Variants in PTK2B observed in about 807,000 individuals in gnomAD.
PTK2B encodes the protein protein tyrosine kinase 2 beta.
Under a neutral mutation model 142.9 loss-of-function variants are expected in PTK2B, and 71 were observed. The ratio of observed to expected loss-of-function variants is 0.50; its 90% CI spans 0.41 to 0.61. The LOEUF is 0.61. Among genes scored for constraint, PTK2B ranks in the 20% least tolerant of loss-of-function variants. The pLI, the probability that PTK2B is intolerant of heterozygous loss-of-function variation, is 0.00. For missense variants in PTK2B, 1,105 were observed against 1,320.4 expected, an observed-to-expected ratio of 0.84 and a Z score of 2.53; for synonymous variants, 519 against 503.4, an observed-to-expected ratio of 1.03 and a Z score of -0.42.
At chr8:27,449,083 C>G (rs78655670) in intron 24 of PTK2B, among the ~76,000 whole-genome samples, 1 of 152,096 alleles carries the variant, frequency 6.6e-6, no homozygotes, top group Non-Finnish European at 1.5e-5. Context: ...TGCTAAGCAT[C>G]GTACAATGCA....
At chr8:27,431,174 C>T in intron 8 of PTK2B, 158 bp downstream of exon 8, 1 of 1,471,566 alleles carries the variant, frequency 6.8e-7, no homozygotes, top group Non-Finnish European at 9.1e-7. Context: ...AAAAGCATCC[C>T]CTTGCCTGAA....
chr8:27,365,032 T>G (rs1423680913), intron 1 of PTK2B, among the ~76,000 whole-genome samples: 1 of 152,196 alleles, frequency 6.6e-6, no homozygotes, highest in Non-Finnish European at 1.5e-5. Flanking sequence ...TTTGCTCATA[T>G]ACATTCTAAG....
At chr8:27,372,419 G>C (rs974764653) in intron 1 of PTK2B, among the ~76,000 whole-genome samples, 35 of 152,186 alleles carry the variant, frequency 2.3e-4, no homozygotes, top group Non-Finnish European at 5.9e-5. Context: ...TGGTGTCCCA[G>C]TTGGAGGGTC....
At chr8:27,371,275 T>G (rs534448426) in intron 1 of PTK2B, among the ~76,000 whole-genome samples, 22 of 152,216 alleles carry the variant, frequency 1.4e-4, no homozygotes, top group African/African-American at 5.1e-4. Flanking sequence ...TGCTGAGCAT[T>G]GAGGGAGCTA....
intron 1 of PTK2B, among the ~76,000 whole-genome samples, chr8:27,343,960 G>T (rs1005125909): frequency 5.3e-5 from 8 of 152,096 alleles, no homozygotes; most frequent in Non-Finnish European, 7.4e-5. Flanking sequence ...CCGAGATCAT[G>T]CCACTGCACT....
chr8:27,367,428 C>G (rs895832862), intron 1 of PTK2B, among the ~76,000 whole-genome samples: 11 of 152,190 alleles, frequency 7.2e-5, no homozygotes, highest in African/African-American at 2.4e-4. Context: ...TGGGCTTGCC[C>G]ACCTGTCCAT....
chr8:27,326,012 C>G (rs1434712246), intron 1 of PTK2B, among the ~76,000 whole-genome samples: 4 of 152,092 alleles, frequency 2.6e-5, no homozygotes, highest in Non-Finnish European at 5.9e-5. Context: ...GCTGCTGCCT[C>G]TAAAGCTCAG....
At chr8:27,404,820 T>C (rs928248539) in intron 2 of PTK2B, among the ~76,000 whole-genome samples, 1 of 152,198 alleles carries the variant, frequency 6.6e-6, no homozygotes, top group African/African-American at 2.4e-5. Flanking sequence ...CAGGGTGTTA[T>C]GGACTGGATA....
intron 9 of PTK2B, 63 bp from the exon 10 acceptor site, chr8:27,432,197 C>A: frequency 6.7e-7 from 1 of 1,499,328 alleles, no homozygotes. Context: ...CCCATACTGA[C>A]CAATCTGCAT....
intron 5 of PTK2B, among the ~76,000 whole-genome samples, chr8:27,424,268 T>C (rs1172216806): frequency 1.3e-5 from 2 of 152,210 alleles, no homozygotes; most frequent in Non-Finnish European, 2.9e-5. Context: ...CTATTTTATT[T>C]TATTATATCC....
chr8:27,431,757 C>A (rs1810439528), intron 9 of PTK2B, among the ~76,000 whole-genome samples: 1 of 152,224 alleles, frequency 6.6e-6, no homozygotes, highest in African/African-American at 2.4e-5. Context: ...GTTGCTCTTT[C>A]AGTGACAATA....
At chr8:27,452,999 T>A in intron 27 of PTK2B, 115 bp from the exon 28 acceptor site, 1 of 1,267,524 alleles carries the variant, frequency 7.9e-7, no homozygotes, top group East Asian at 2.4e-5. Context: ...CAGAGTTAAT[T>A]TCCCTGAAGT....
intron 1 of PTK2B, among the ~76,000 whole-genome samples, chr8:27,382,290 A>C (rs780747443): frequency 5.3e-5 from 8 of 152,090 alleles, no homozygotes; most frequent in Non-Finnish European, 8.8e-5. Flanking sequence ...TACTTTGCTC[A>C]TTAAAAAAAA....
At chr8:27,444,358 AG>A in intron 23 of PTK2B, 87 bp downstream of exon 23, 1 of 1,465,178 alleles carries the variant, frequency 6.8e-7, no homozygotes, top group South Asian at 1.2e-5. Flanking sequence ...GAGGAGCAGC[AG>A]TCACCCACTT....
chr8:27,383,526 T>A (rs540309339), intron 1 of PTK2B, among the ~76,000 whole-genome samples: 9 of 152,324 alleles, frequency 5.9e-5, no homozygotes, highest in African/African-American at 2.2e-4. Context: ...CCCAAAGTGC[T>A]GGGATTACAG....
At chr8:27,432,193 C>T in intron 9 of PTK2B, 67 bp from the exon 10 acceptor site, 1 of 1,470,404 alleles carries the variant, frequency 6.8e-7, no homozygotes, top group Non-Finnish European at 9.4e-7. Flanking sequence ...CTCCCCCATA[C>T]TGACCAATCT....
At chr8:27,348,507 T>A (rs1439581938) in intron 1 of PTK2B, among the ~76,000 whole-genome samples, 2 of 152,194 alleles carry the variant, frequency 1.3e-5, no homozygotes, top group African/African-American at 4.8e-5. Context: ...AGTAACGATA[T>A]GCTTAGCAAC....
chr8:27,335,197 C>T (rs56004084), intron 1 of PTK2B, among the ~76,000 whole-genome samples: 4,703 of 152,220 alleles, frequency 0.031, 256 homozygotes, highest in African/African-American at 0.11. Context: ...CTGGGAAGCT[C>T]GAGATTTGCA....
rs111433470 is a variant in PTK2B at position 27,448,236 on chromosome 8, G to A, written c.2340+2317G>A. 2.2e-3 allele frequency among the ~76,000 whole-genome samples: 335 copies of A among 152,338 alleles called. 1 individual carries two copies. Among genetic ancestry groups the A allele is most frequent in the African/African-American group, 7.4e-3 (309 of 41,568 alleles). On this transcript the variant is annotated intron_variant, in intron 24 of 30. Coordinates refer to ENST00000346049, the MANE Select transcript of PTK2B (RefSeq NM_173176.3). ...GTGCAAGAACTGTTGGACTACAGCA[G>A]GAAGGGTACTTGTGGATGTGGAAAT...
Sources: allele counts gnomAD v4.1 joint callset (sites outside exome capture counted in the v4.1 genomes callset), GRCh38; gene constraint gnomAD v4.1.1; transcripts MANE v1.5; gene names NCBI Gene and HGNC (gene_info 2026-07-23, HGNC 2026-07-21).